IL1RAPL1: variants seen among roughly 807,000 people sequenced by gnomAD.
IL1RAPL1 encodes interleukin 1 receptor accessory protein like 1.
Under a neutral mutation model 48.4 loss-of-function variants are expected in IL1RAPL1, and 3 were observed. That is an observed-to-expected ratio of 0.06 (90% CI 0.03 to 0.16). The LOEUF (loss-of-function observed/expected upper bound fraction) is 0.16. Among genes scored for constraint, IL1RAPL1 ranks in the 10% least tolerant of loss-of-function variants. The pLI is 1.00. For missense variants in IL1RAPL1, 349 were observed against 530.6 expected (o/e 0.66, Z 3.36); for synonymous variants, 185 against 187.7 (o/e 0.99, Z 0.12).
rs189055394 is a variant in IL1RAPL1 at position 28,704,322 on chromosome X, T to C, written c.-24-84998T>C. 2.3e-3 allele frequency among the ~76,000 whole-genome samples: 249 copies of C among 109,158 alleles called. 1 individual carries two copies. Among genetic ancestry groups the C allele is most frequent in the African/African-American group, 8.0e-3 (240 of 29,822 alleles). The allele number at this position is 109,158 out of a possible 115,157, so 94.8% of individuals were successfully genotyped here. On this transcript the variant is annotated intron_variant, in intron 1 of 10. Transcript: ENST00000378993. ...GGAATCATAGTTTCTTTTCTTTTCT[T>C]TTCCCTCTTTCTATTCCCAATTTCA... is the stretch of plus-strand genomic sequence containing the variant.
At chrX:28,926,232 TC>T (rs1359763466) in intron 2 of IL1RAPL1, among the ~76,000 whole-genome samples, 2 of 112,321 alleles carry the variant, frequency 1.8e-5, no homozygotes, top group Non-Finnish European at 3.8e-5. Flanking sequence ...TGCAGAAAGT[TC>T]TACTGAAGAG....
At chrX:29,891,017 A>G (rs1447125859) in intron 6 of IL1RAPL1, among the ~76,000 whole-genome samples, 1 of 111,797 alleles carries the variant, frequency 8.9e-6, no homozygotes, top group Non-Finnish European at 1.9e-5. Flanking sequence ...CAGCTACACT[A>G]ATACACGGCA....
chrX:29,246,825 G>A (rs759234149), intron 2 of IL1RAPL1, among the ~76,000 whole-genome samples: 16 of 111,260 alleles, frequency 1.4e-4, no homozygotes, highest in Non-Finnish European at 1.3e-4. Context: ...AAGATTGAGA[G>A]TTCTGAAAGT....
rs996524749 is a variant in IL1RAPL1 at position 29,626,706 on chromosome X, G to A, written c.704-41724G>A. Among the ~76,000 whole-genome samples the A allele has an allele frequency of 6.3e-5, 7 of 111,932 alleles. No homozygotes were observed. In the East Asian group the frequency reaches 1.1e-3, roughly 18 times the overall value. ...CAGAGTTTTGATATGAAAAATCAAC[G>A]TCTTGTTTCTCTACAGTGTTTGGAT... On this transcript the variant is annotated intron_variant, in intron 5 of 10. Coordinates refer to ENST00000378993, the MANE Select transcript of IL1RAPL1 (RefSeq NM_014271.4).
chrX:28,599,981 C>G (rs764938150), intron 1 of IL1RAPL1, among the ~76,000 whole-genome samples: 4 of 111,245 alleles, frequency 3.6e-5, no homozygotes, highest in Non-Finnish European at 1.9e-5. Context: ...GGGGGGCTGC[C>G]CCACAGGAAG....
intron 1 of IL1RAPL1, among the ~76,000 whole-genome samples, chrX:28,720,258 A>G (rs1479580224): frequency 9.0e-6 from 1 of 111,200 alleles, no homozygotes; most frequent in African/African-American, 3.3e-5. Context: ...GCTGATGGCC[A>G]TCTCTGAGAT....
At chrX:28,810,237 G>T (rs759076935) in intron 2 of IL1RAPL1, among the ~76,000 whole-genome samples, 5 of 110,189 alleles carry the variant, frequency 4.5e-5, no homozygotes, top group Non-Finnish European at 9.5e-5. Flanking sequence ...CATTTGCCTG[G>T]ATGAGATCAC....
chrX:28,801,924 T>G (rs748031881), intron 2 of IL1RAPL1, among the ~76,000 whole-genome samples: 2 of 112,172 alleles, frequency 1.8e-5, no homozygotes, highest in East Asian at 5.6e-4. Flanking sequence ...CAAATATTTA[T>G]TGAGCACTTT....
chrX:29,559,775 A>G (rs1922128456), intron 5 of IL1RAPL1, among the ~76,000 whole-genome samples: 1 of 111,598 alleles, frequency 9.0e-6, no homozygotes, highest in Non-Finnish European at 1.9e-5. Context: ...ACTTTGTACA[A>G]AAGCTCTATA....
intron 2 of IL1RAPL1, among the ~76,000 whole-genome samples, chrX:29,254,345 G>T (rs897542593): frequency 1.8e-5 from 2 of 111,316 alleles, no homozygotes; most frequent in African/African-American, 6.5e-5. Flanking sequence ...TTATGGATAT[G>T]ATACTCTATT....
chrX:29,608,045 G>T (rs1174902962), intron 5 of IL1RAPL1, among the ~76,000 whole-genome samples: 1 of 112,159 alleles, frequency 8.9e-6, no homozygotes, highest in African/African-American at 3.2e-5. Flanking sequence ...GCACTGACTG[G>T]GTGGTTTTTA....
chrX:29,139,412 A>G (rs1045232469), intron 2 of IL1RAPL1, among the ~76,000 whole-genome samples: 4 of 111,279 alleles, frequency 3.6e-5, no homozygotes, highest in African/African-American at 1.3e-4. Context: ...GAACTCAATA[A>G]TATATAATTC....
At chrX:29,104,030 A>T (rs1295421251) in intron 2 of IL1RAPL1, among the ~76,000 whole-genome samples, 1 of 112,035 alleles carries the variant, frequency 8.9e-6, no homozygotes, top group East Asian at 2.8e-4. Context: ...GTGGGAATGT[A>T]AATTAGTACA....
chrX:29,515,101 C>A (rs1935432679), intron 5 of IL1RAPL1, among the ~76,000 whole-genome samples: 1 of 112,268 alleles, frequency 8.9e-6, no homozygotes, highest in African/African-American at 3.2e-5. Flanking sequence ...TGGGTGAAGA[C>A]ATGAATTTGA....
At chrX:29,789,519 T>C (rs1421093910) in intron 6 of IL1RAPL1, among the ~76,000 whole-genome samples, 1 of 111,968 alleles carries the variant, frequency 8.9e-6, no homozygotes, top group East Asian at 2.8e-4. Context: ...CAAAGTACAC[T>C]GGAAAATAGA....
chrX:29,336,906 G>A lies in IL1RAPL1; in HGVS notation c.362+53689G>A, dbSNP rs183956883. ...CTTGGTTTTATGGCTTGCTTTGGGG[G>A]AGAGGAGTTCTAGTTTCTATGACTT... is the stretch of plus-strand genomic sequence containing the variant. On this transcript the variant is annotated intron_variant, in intron 3 of 10. Coordinates refer to ENST00000378993, the MANE Select transcript of IL1RAPL1 (RefSeq NM_014271.4). Among the ~76,000 whole-genome samples the A allele has an allele frequency of 3.5e-3, 395 of 111,365 alleles. 1 individual carries two copies. The highest frequency in any genetic ancestry group is 0.012 in the African/African-American group (379 of 30,610).
At chrX:29,481,487 C>T (rs1307443534) in intron 5 of IL1RAPL1, among the ~76,000 whole-genome samples, 3 of 112,599 alleles carry the variant, frequency 2.7e-5, no homozygotes, top group Non-Finnish European at 5.6e-5. Context: ...AGAGAGCCAA[C>T]GGCCATTGCC....
At chrX:29,242,986 G>A (rs992764626) in intron 2 of IL1RAPL1, among the ~76,000 whole-genome samples, 5 of 111,807 alleles carry the variant, frequency 4.5e-5, no homozygotes, top group Admixed American at 9.5e-5. Context: ...CCCTCTCCAG[G>A]CCCAGCTGGG....
intron 3 of IL1RAPL1, among the ~76,000 whole-genome samples, chrX:29,305,020 G>A (rs1286326070): frequency 8.9e-6 from 1 of 112,075 alleles, no homozygotes; most frequent in East Asian, 2.8e-4. Flanking sequence ...AAGAACCTAG[G>A]GTGAGCAAAA....
Sources: gnomAD v4.1 joint callset for allele counts (sites outside exome capture counted in the v4.1 genomes callset) on GRCh38, gnomAD v4.1.1 for gene constraint, MANE v1.5 for transcripts, NCBI Gene and HGNC (gene_info 2026-07-23, HGNC 2026-07-21) for gene names.